SDK1: variants seen among roughly 807,000 people sequenced by gnomAD.
SDK1 encodes protein sidekick-1.
In SDK1, 157 loss-of-function variants were observed where a neutral mutation model predicts 245.5. The observed-to-expected ratio is 0.64, with a 90% confidence interval of 0.56 to 0.73. The LOEUF is 0.73. Among genes scored for constraint, SDK1 ranks in the 30% least tolerant of loss-of-function variants. The pLI, the probability that SDK1 is intolerant of heterozygous loss-of-function variation, is 0.00. For synonymous variants in SDK1, 1,647 were observed against 1,278.5 expected, an observed-to-expected ratio of 1.29 and a Z score of -6.15; for missense variants, 3,583 against 3,002.3, an observed-to-expected ratio of 1.19 and a Z score of -4.52.
At chr7:3,692,848 G>A (rs1165821293) in intron 4 of SDK1, among the ~76,000 whole-genome samples, 4 of 151,800 alleles carry the variant, frequency 2.6e-5, no homozygotes, top group Non-Finnish European at 5.9e-5. Flanking sequence ...ACGTATCCTT[G>A]GCACCATCGA....
intron 1 of SDK1, among the ~76,000 whole-genome samples, chr7:3,427,631 C>T (rs1779714254): frequency 6.6e-6 from 1 of 151,916 alleles, no homozygotes; most frequent in African/African-American, 2.4e-5. Context: ...ATGGGCCTAG[C>T]ATCTTTTCTA....
intron 1 of SDK1, among the ~76,000 whole-genome samples, chr7:3,605,702 T>C (rs956607089): frequency 6.6e-6 from 1 of 152,188 alleles, no homozygotes; most frequent in East Asian, 1.9e-4. Flanking sequence ...GTATACTTGG[T>C]AAGAAAATGA....
chr7:3,886,362 G>A lies in SDK1; in HGVS notation c.848-64561G>A, dbSNP rs1442394262. On this transcript the variant is annotated intron_variant, in intron 5 of 44. Transcript: ENST00000404826. ...GGAAGTCGGCCAGCATGCGCTGTACGGCTGTAGAGGACACAGGCAGCAGCA... is the reference window on the plus strand; with the variant it reads ...GGAAGTCGGCCAGCATGCGCTGTACAGCTGTAGAGGACACAGGCAGCAGCA... Among the ~76,000 whole-genome samples the A allele has an allele frequency of 5.9e-5, 9 of 152,220 alleles. No individual in the cohort carries two copies. The South Asian group carries it at 8.3e-4, about 14-fold the overall frequency.
rs571219734 is a variant in SDK1 at position 3,784,087 on chromosome 7, G to GT, written c.714-37351dup. Among the ~76,000 whole-genome samples the GT allele has an allele frequency of 3.4e-3, 481 of 139,662 alleles. 6 individuals carry two copies. Among genetic ancestry groups the GT allele is most frequent in the Middle Eastern group, 0.021 (6 of 280 alleles). 91.6% of individuals were successfully genotyped at this position (139,662 alleles called of 152,430 possible). On this transcript the variant is annotated intron_variant, in intron 4 of 44. Transcript: ENST00000404826. The stretch of plus-strand genomic sequence containing the variant: ...TTTCTTTTTCTTTTTTCTTTTCTTT[G>GT]TTTTTTTTTTTTGGTTAGAGAAAGG...
chr7:3,857,580 G>A lies in SDK1; in HGVS notation c.847+35997G>A, dbSNP rs557893869. On this transcript the variant is annotated intron_variant, in intron 5 of 44. Transcript: ENST00000404826. ...TGCATGCCTGTAGTTCCAGCTTCTT[G>A]AGAGGTTGAGGTGGGAGGATTGCTT... Among the ~76,000 whole-genome samples, 9 of 152,028 alleles carry A rather than the reference G, an allele frequency of 5.9e-5. No homozygotes were observed. The East Asian group carries it at 1.7e-3, about 29-fold the overall frequency.
At chr7:3,682,524 G>A (rs1248837037) in intron 4 of SDK1, among the ~76,000 whole-genome samples, 1 of 152,294 alleles carries the variant, frequency 6.6e-6, no homozygotes, top group Admixed American at 6.5e-5. Flanking sequence ...CAGAACTCAC[G>A]TGTCTGCTGC....
chr7:4,002,083 T>A (rs1273489506), intron 14 of SDK1, among the ~76,000 whole-genome samples: 6 of 152,264 alleles, frequency 3.9e-5, no homozygotes, highest in African/African-American at 1.4e-4. Context: ...GTTCCTTTTG[T>A]CACTGTCAGA....
chr7:3,350,814 A>G (rs1036755800), intron 1 of SDK1, among the ~76,000 whole-genome samples: 5 of 152,204 alleles, frequency 3.3e-5, no homozygotes, highest in African/African-American at 1.2e-4. Context: ...TTTGTGTGAC[A>G]CTGAAAAAAA....
At chr7:3,544,553 G>T (rs746865514) in intron 1 of SDK1, among the ~76,000 whole-genome samples, 2 of 152,156 alleles carry the variant, frequency 1.3e-5, no homozygotes, top group Non-Finnish European at 2.9e-5. Flanking sequence ...CCAAAGTAGC[G>T]TTTAGATTTT....
intron 14 of SDK1, among the ~76,000 whole-genome samples, 175 bp downstream of exon 14, chr7:3,987,497 C>T (rs994340462): frequency 2.6e-5 from 4 of 152,192 alleles, no homozygotes; most frequent in African/African-American, 7.2e-5. Context: ...CATGCAGGAC[C>T]TGAGAGAGGG....
In SDK1 at chr7:3,561,639, C is replaced by T. The variant is rs150094082; in HGVS notation, c.299-57441C>T. Among the ~76,000 whole-genome samples the T allele has an allele frequency of 5.0e-3, 763 of 152,234 alleles. 10 individuals carry two copies. The highest frequency in any genetic ancestry group is 4.6e-3 in the Non-Finnish European group (310 of 68,018). On this transcript the variant is annotated intron_variant, in intron 1 of 44. Coordinates refer to ENST00000404826, the MANE Select transcript of SDK1 (RefSeq NM_152744.4). Reference sequence around the variant, plus strand: ...ATTTCTGAATCAAGACTGGTTCCCTCAATTTTAATCTGATGACTTATTTTC... The same window carrying T: ...ATTTCTGAATCAAGACTGGTTCCCTTAATTTTAATCTGATGACTTATTTTC...
At chr7:3,830,932 T>C (rs538774479) in intron 5 of SDK1, among the ~76,000 whole-genome samples, 3 of 152,342 alleles carry the variant, frequency 2.0e-5, no homozygotes, top group Non-Finnish European at 4.4e-5. Context: ...TTTCAGAGTA[T>C]GTAATATATT....
chr7:3,840,295 A>T (rs771746974), intron 5 of SDK1, among the ~76,000 whole-genome samples: 2 of 152,210 alleles, frequency 1.3e-5, no homozygotes, highest in Non-Finnish European at 2.9e-5. Context: ...TGTTGGGCCA[A>T]TATATTTAAC....
intron 1 of SDK1, among the ~76,000 whole-genome samples, chr7:3,482,608 C>T (rs1409176938): frequency 6.6e-6 from 1 of 152,168 alleles, no homozygotes; most frequent in Non-Finnish European, 1.5e-5. Flanking sequence ...CAGAGGGCCT[C>T]CCACAGGTCT....
intron 4 of SDK1, among the ~76,000 whole-genome samples, chr7:3,752,365 A>G (rs941558520): frequency 2.6e-5 from 4 of 152,300 alleles, no homozygotes; most frequent in South Asian, 4.1e-4. Flanking sequence ...ACTTTGATAC[A>G]TAATTACTAT....
At chr7:3,772,517 C>G in intron 4 of SDK1, among the ~76,000 whole-genome samples, 1 of 151,938 alleles carries the variant, frequency 6.6e-6, no homozygotes, top group East Asian at 1.9e-4. Context: ...GGTTAAAAAC[C>G]AAAGTTACAA....
At chr7:3,355,057 T>C (rs906882751) in intron 1 of SDK1, among the ~76,000 whole-genome samples, 1 of 152,344 alleles carries the variant, frequency 6.6e-6, no homozygotes, top group East Asian at 1.9e-4. Context: ...GTGGGAAATA[T>C]CTGGCCAAAT....
At chr7:4,095,940 C>A (rs1021995003) in intron 22 of SDK1, among the ~76,000 whole-genome samples, 1 of 152,192 alleles carries the variant, frequency 6.6e-6, no homozygotes, top group African/African-American at 2.4e-5. Flanking sequence ...CAAGATTTTT[C>A]TTTATTTCCA....
rs1199774204 is a variant in SDK1, at chr7:3,798,713, C to A, written c.714-22737C>A. 2.6e-5 allele frequency among the ~76,000 whole-genome samples: 4 copies of A among 152,196 alleles called. No individual in the cohort carries two copies. In the East Asian group the frequency reaches 7.7e-4, roughly 29 times the overall value. ...GCCAGTATTGTTCCCTTTCCACATT[C>A]TGTTCTTAGAAGCAAGTCTCTTAGC... is the stretch of plus-strand genomic sequence containing the variant. On this transcript the variant is annotated intron_variant, in intron 4 of 44. Coordinates refer to ENST00000404826, the MANE Select transcript of SDK1 (RefSeq NM_152744.4).
Sources: allele counts gnomAD v4.1 joint callset (sites outside exome capture counted in the v4.1 genomes callset), GRCh38; gene constraint gnomAD v4.1.1; transcripts MANE v1.5; gene names NCBI Gene and HGNC (gene_info 2026-07-23, HGNC 2026-07-21).